RIF1: variants seen among roughly 807,000 people sequenced by gnomAD.
RIF1 encodes replication timing regulatory factor 1, also known as telomere-associated protein RIF1.
Under a neutral mutation model 247.1 loss-of-function variants are expected in RIF1, and 45 were observed. That is an observed-to-expected ratio of 0.18 (90% CI 0.14 to 0.23). The LOEUF (loss-of-function observed/expected upper bound fraction) is 0.23. Ranked by LOEUF, RIF1 falls within the 10% of genes least tolerant of loss-of-function variation. The pLI is 1.00. For missense variants in RIF1, 2,967 were observed against 2,862.5 expected, an observed-to-expected ratio of 1.04 and a Z score of -0.83; for synonymous variants, 1,087 against 978.8, an observed-to-expected ratio of 1.11 and a Z score of -2.06.
rs1389461285 is a variant in RIF1, at chr2:151,455,139, A to G, written c.2589A>G (p.Ala863=). The change falls in exon 22 of 36, where the codon GCA becomes GCG. Residue 863 remains alanine (A), a synonymous_variant. Transcript: ENST00000444746. The stretch of plus-strand genomic sequence containing the variant: ...TTGCAACTTTAACAAGACCTCTGGC[A>G]TTATTTTATGAAAACTCAAAGTAAG... ...KIFATLTRPL[A]LFYENSKLDE... 3 of 1,610,578 alleles carry G rather than the reference A, an allele frequency of 1.9e-6. No individual in the cohort carries two copies. Among genetic ancestry groups the G allele is most frequent in the Non-Finnish European group, 2.5e-6 (3 of 1,178,484 alleles).
At chr2:151,451,188 A>G (rs1005990452) in intron 20 of RIF1, among the ~76,000 whole-genome samples, 2 of 152,214 alleles carry the variant, frequency 1.3e-5, no homozygotes, top group African/African-American at 4.8e-5. Context: ...TATCCTAAGC[A>G]GAACGTTATA....
exon 11 of RIF1, chr2:151,499,347 A>G: frequency 6.5e-7 from 1 of 1,547,036 alleles, no homozygotes; most frequent in Non-Finnish European, 8.7e-7. Context: ...CTCTGGAGTG[A>G]TGGGGATTGG....
chr2:151,524,476 G>A, the RIF1 span: 2 of 1,612,216 alleles, frequency 1.2e-6, no homozygotes, highest in Non-Finnish European at 1.7e-6. Flanking sequence ...CCTTGGCAAT[G>A]GCTGTTGGGG....
intron 10 of RIF1, chr2:151,497,127 A>G (rs2060767122): frequency 7.0e-7 from 1 of 1,427,526 alleles, no homozygotes. Flanking sequence ...TTGTTAAGAC[A>G]AAACACAGTT....
chr2:151,534,359 T>A, the RIF1 span: 1 of 1,551,802 alleles, frequency 6.4e-7, no homozygotes, highest in Non-Finnish European at 8.9e-7. Flanking sequence ...AGAGTACAAC[T>A]TCAAGGCTAC....
At chr2:151,471,373 G>A (rs1035365307) in intron 34 of RIF1, among the ~76,000 whole-genome samples, 6 of 151,938 alleles carry the variant, frequency 3.9e-5, no homozygotes, top group East Asian at 1.9e-4. Flanking sequence ...CTTTAGTTTA[G>A]TTAGATCCCA....
chr2:151,489,800 G>A (rs944068256), intron 9 of RIF1, among the ~76,000 whole-genome samples: 1 of 151,718 alleles, frequency 6.6e-6, no homozygotes, highest in African/African-American at 2.4e-5. Context: ...ATTAATTTGA[G>A]TTAGATAATG....
At chr2:151,532,814 C>G in the RIF1 span, among the ~76,000 whole-genome samples, 1 of 151,954 alleles carries the variant, frequency 6.6e-6, no homozygotes, top group African/African-American at 2.4e-5. Flanking sequence ...CCAATTATCA[C>G]TGTTTATTGC....
At chr2:151,468,396 C>G in intron 31 of RIF1, 78 bp from the exon 32 acceptor site, 1 of 1,143,914 alleles carries the variant, frequency 8.7e-7, no homozygotes, top group African/African-American at 1.6e-5. Context: ...GAAATGATTG[C>G]AGTCTAAGTT....
At chr2:151,502,522 A>G (rs1273457516) in intron 11 of RIF1, among the ~76,000 whole-genome samples, 2 of 152,196 alleles carry the variant, frequency 1.3e-5, no homozygotes, top group Admixed American at 6.6e-5. Context: ...TACACCAGTT[A>G]GAAACACCTA....
At chr2:151,440,866 A>G (rs924361841) in intron 15 of RIF1, among the ~76,000 whole-genome samples, 4 of 152,362 alleles carry the variant, frequency 2.6e-5, no homozygotes, top group African/African-American at 2.4e-5. Context: ...GGAAAGTACT[A>G]TGGGCCAGGA....
chr2:151,509,094 C>T (rs907690550), downstream of RIF1, among the ~76,000 whole-genome samples: 1 of 152,160 alleles, frequency 6.6e-6, no homozygotes, highest in African/African-American at 2.4e-5. Flanking sequence ...CTGTCTGTCT[C>T]TATGTACTTT....
the RIF1 span, chr2:151,513,797 C>A: frequency 2.5e-6 from 2 of 795,706 alleles, no homozygotes; most frequent in Non-Finnish European, 4.1e-6. Context: ...CCCCAGTTGT[C>A]ACAGATAGTG....
In RIF1 at chr2:151,437,154, T is replaced by A. The variant is rs1691380553; in HGVS notation, c.1373-87T>A. 3.0e-5 allele frequency: 37 copies of A among 1,239,214 alleles called. No homozygotes were observed. The South Asian group carries it at 4.6e-4, about 15-fold the overall frequency. 76.8% of individuals were successfully genotyped at this position (1,239,214 alleles called of 1,614,324 possible). ...TTTTTTTTATAGAAAACACACCTAC[T>A]TAATAGACATTTTAAAGTTTTATAG... On this transcript the variant is annotated intron_variant, in intron 12 of 35. Transcript: ENST00000444746.
intron 9 of RIF1, among the ~76,000 whole-genome samples, chr2:151,431,828 G>GA (rs1690206905): frequency 1.5e-5 from 2 of 136,160 alleles, no homozygotes; most frequent in Non-Finnish European, 3.3e-5. Flanking sequence ...AAAAGAATAG[G>GA]AGACCCCAAA....
chr2:151,457,985 T>C lies in RIF1; in HGVS notation c.2855+22T>C, dbSNP rs533691737. The C allele has an allele frequency of 2.7e-5, 41 of 1,526,520 alleles. 1 individual carries two copies. Among genetic ancestry groups the C allele is most frequent in the African/African-American group, 1.6e-4 (12 of 73,338 alleles). The allele number at this position is 1,526,520 out of a possible 1,614,324, so 94.6% of individuals were successfully genotyped here. ...TAAAGTATGCTAACAACAAAACTTATATACAACTAACTATTCTGTTGTGAT... is the reference window on the plus strand; with the variant it reads ...TAAAGTATGCTAACAACAAAACTTACATACAACTAACTATTCTGTTGTGAT... On this transcript the variant is annotated intron_variant, in intron 24 of 35. Coordinates refer to ENST00000444746, the MANE Select transcript of RIF1 (RefSeq NM_018151.5).
intron 8 of RIF1, among the ~76,000 whole-genome samples, chr2:151,426,998 T>C (rs1409491334): frequency 6.6e-6 from 1 of 152,126 alleles, no homozygotes; most frequent in Non-Finnish European, 1.5e-5. Flanking sequence ...CTTGTGTCTT[T>C]AACTTCTTGG....
intron 8 of RIF1, among the ~76,000 whole-genome samples, chr2:151,427,712 GTAGT>G (rs1315021339): frequency 6.7e-6 from 1 of 149,892 alleles, no homozygotes; most frequent in East Asian, 2.0e-4. Flanking sequence ...CTTGAGGTCA[GTAGT>G]TAGTCACCAG....
Position 151,416,572 on chromosome 2 carries a change from C to A in RIF1, c.292C>A (p.Leu98Ile). The change falls in exon 5 of 36, where the codon CTA becomes ATA. Residue 98 changes from leucine (L) to isoleucine (I), a missense_variant. Around this residue, in one of 7 missense-constraint regions of RIF1, gnomAD observed 269 missense variants for 288.6 expected, o/e 0.93. Transcript: ENST00000444746. ...ITSELSEANA[L>I]ELLSKLNDTI... The stretch of plus-strand genomic sequence containing the variant: ...TGCTTGTTTTTCAGAGGCAAATGCT[C>A]TAGAATTGCTTTCAAAATTGAATGA... 1 of 1,600,386 alleles carries A rather than the reference C, an allele frequency of 6.2e-7. No homozygotes were observed. Among genetic ancestry groups the A allele is most frequent in the Non-Finnish European group, 8.5e-7 (1 of 1,175,984 alleles).
Sources: gnomAD v4.1 joint callset for allele counts (sites outside exome capture counted in the v4.1 genomes callset) on GRCh38, gnomAD v4.1.1 for gene constraint, gnomAD v4.1.1 regional missense constraint, MANE v1.5 for transcripts, NCBI Gene and HGNC (gene_info 2026-07-23, HGNC 2026-07-21) for gene names.